Variants in RBM20 observed in about 807,000 individuals in gnomAD.
The protein encoded by RBM20 is RNA-binding protein 20.
In RBM20, 51 loss-of-function variants were observed where a neutral mutation model predicts 110.1. The ratio of observed to expected loss-of-function variants is 0.46; its 90% confidence interval spans 0.37 to 0.59. RBM20 has a LOEUF of 0.59. Among genes scored for constraint, RBM20 ranks in the 20% least tolerant of loss-of-function variants. The pLI, the probability that RBM20 is intolerant of heterozygous loss-of-function variation, is 0.00. For missense variants in RBM20, 1,512 were observed against 1,574.9 expected, an observed-to-expected ratio of 0.96 and a Z score of 0.68; for synonymous variants, 589 against 618.2, an observed-to-expected ratio of 0.95 and a Z score of 0.70.
chr10:110,735,534 A>G (rs1313498361), intron 1 of RBM20, among the ~76,000 whole-genome samples: 1 of 152,188 alleles, frequency 6.6e-6, no homozygotes, highest in Non-Finnish European at 1.5e-5. Context: ...CCTCCTGTTA[A>G]TCTAGATTGT....
intron 7 of RBM20, among the ~76,000 whole-genome samples, chr10:110,800,430 T>A (rs1322706312): frequency 1.3e-5 from 2 of 152,262 alleles, no homozygotes; most frequent in African/African-American, 4.8e-5. Flanking sequence ...AAACCAGGGT[T>A]TGCTTTTGTT....
At position 110,812,755 on chromosome 10, in the gene RBM20, C is replaced by A. The variant is rs1045844360; in HGVS notation, c.2358C>A (p.Asp786Glu). The stretch of plus-strand genomic sequence containing the variant: ...CCCCCGGGAGGTCCAGGAGGAAAGA[C>A]GAGGCCAGGCTGCGGGAAAGCAGAC... ...QDAPGRSRRK[D>E]EARLRESRHP... The change falls in exon 9 of 14, where the codon GAC becomes GAA. Residue 786 changes from aspartate to glutamate, a missense_variant. By Grantham distance (45) the Asp-to-Glu change is conservative. Around this residue, in one of 3 missense-constraint regions of RBM20, gnomAD observed 1,149 missense variants for 1,169.4 expected, o/e 0.98. Transcript: ENST00000369519. The A allele has an allele frequency of 1.3e-6, 2 of 1,551,710 alleles. No individual in the cohort carries two copies. The highest frequency in any genetic ancestry group is 4.9e-5 in the East Asian group (2 of 40,916).
intron 1 of RBM20, among the ~76,000 whole-genome samples, chr10:110,678,160 T>C (rs1862367465): frequency 6.6e-6 from 1 of 152,218 alleles, no homozygotes; most frequent in Non-Finnish European, 1.5e-5. Flanking sequence ...CTTATCTTTC[T>C]TATAGACAAT....
At chr10:110,804,972 C>T (rs945435105) in intron 7 of RBM20, among the ~76,000 whole-genome samples, 1 of 152,148 alleles carries the variant, frequency 6.6e-6, no homozygotes, top group Non-Finnish European at 1.5e-5. Flanking sequence ...ATTGGTCTTG[C>T]CAGCCTCCTC....
chr10:110,665,621 TC>T (rs1447350564), intron 1 of RBM20, among the ~76,000 whole-genome samples: 28 of 152,148 alleles, frequency 1.8e-4, no homozygotes, highest in Admixed American at 3.3e-4. Context: ...TCAAAACAAA[TC>T]TAACTGTAAC....
At chr10:110,664,790 A>T in intron 1 of RBM20, among the ~76,000 whole-genome samples, 1 of 152,142 alleles carries the variant, frequency 6.6e-6, no homozygotes, top group East Asian at 1.9e-4. Flanking sequence ...ATAAAAAAAT[A>T]AAAATTCAGT....
chr10:110,745,649 C>T (rs1398854376), intron 1 of RBM20, among the ~76,000 whole-genome samples: 2 of 152,290 alleles, frequency 1.3e-5, no homozygotes, highest in South Asian at 2.1e-4. Flanking sequence ...TAGCCATGAG[C>T]TTCTCAGGAG....
intron 1 of RBM20, among the ~76,000 whole-genome samples, chr10:110,714,757 G>T (rs1862991134): frequency 1.3e-5 from 2 of 152,136 alleles, no homozygotes; most frequent in South Asian, 4.2e-4. Context: ...GGGGCAACAT[G>T]GTCCATCTTC....
chr10:110,653,651 G>C (rs891893021), intron 1 of RBM20, among the ~76,000 whole-genome samples: 15 of 151,996 alleles, frequency 9.9e-5, no homozygotes, highest in African/African-American at 3.6e-4. Flanking sequence ...TGACCTCCCT[G>C]GCTCAAGCAA....
intron 1 of RBM20, among the ~76,000 whole-genome samples, chr10:110,667,316 G>A (rs1001558514): frequency 1.3e-5 from 2 of 152,240 alleles, no homozygotes; most frequent in Admixed American, 1.3e-4. Context: ...ATATTCTCCA[G>A]CACTTTCTTG....
chr10:110,818,096 A>G (rs1298440893), intron 9 of RBM20, among the ~76,000 whole-genome samples: 5 of 149,624 alleles, frequency 3.3e-5, no homozygotes, highest in African/African-American at 9.9e-5. Context: ...CCTGGCCAAC[A>G]TGGTGAAACC....
chr10:110,826,230 C>T (rs1045648896), intron 12 of RBM20, among the ~76,000 whole-genome samples: 15 of 152,190 alleles, frequency 9.9e-5, no homozygotes, highest in Non-Finnish European at 1.3e-4. Context: ...TAGTATCTCA[C>T]CTTTTTAAAA....
chr10:110,835,891 G>C lies in RBM20; in HGVS notation c.3597G>C (p.Glu1199Asp), dbSNP rs1177544843. 6.5e-7 allele frequency: 1 copy of C among 1,550,120 alleles called. No homozygotes were observed. Among genetic ancestry groups the C allele is most frequent in the East Asian group, 2.4e-5 (1 of 40,856 alleles). Residue 1199 changes from glutamate to aspartate, a missense_variant, in exon 14 of 14, where the codon GAG becomes GAC. Physicochemically the swap from Glu to Asp is conservative, Grantham distance 45. Around this residue, in one of 3 missense-constraint regions of RBM20, gnomAD observed 358 missense variants for 384.2 expected, o/e 0.93. Transcript: ENST00000369519. Reference protein sequence around the residue: ...NLQKYLSQLAEEGLKETEGAD... With the variant: ...NLQKYLSQLADEGLKETEGAD... ...AGAAATATTTGTCCCAGCTGGCCGA[G>C]GAGGGCCTCAAGGAGACCGAGGGGG...
intron 1 of RBM20, among the ~76,000 whole-genome samples, chr10:110,704,146 G>A (rs1193861458): frequency 6.6e-6 from 1 of 152,174 alleles, no homozygotes; most frequent in East Asian, 1.9e-4. Flanking sequence ...ATAATACAGT[G>A]TGTAACCTTT....
At chr10:110,741,260 G>A (rs1052650216) in intron 1 of RBM20, among the ~76,000 whole-genome samples, 1 of 152,094 alleles carries the variant, frequency 6.6e-6, no homozygotes, top group Non-Finnish European at 1.5e-5. Flanking sequence ...TATTTGTTAG[G>A]GTGGATACAG....
chr10:110,683,503 T>C (rs1398400957), intron 1 of RBM20, among the ~76,000 whole-genome samples: 1 of 152,240 alleles, frequency 6.6e-6, no homozygotes, highest in Admixed American at 6.5e-5. Flanking sequence ...TATCTCTCCC[T>C]ATCCTCTTAT....
chr10:110,798,802 G>A (rs755367031), intron 6 of RBM20, among the ~76,000 whole-genome samples: 18 of 152,118 alleles, frequency 1.2e-4, no homozygotes, highest in African/African-American at 3.6e-4. Context: ...CCCTGTCACC[G>A]ACCCCTTTTC....
chr10:110,703,241 G>C (rs1862785864), intron 1 of RBM20, among the ~76,000 whole-genome samples: 1 of 151,818 alleles, frequency 6.6e-6, no homozygotes, highest in Admixed American at 6.6e-5. Context: ...AGCCAGGCAT[G>C]GTGGCAGGCA....
intron 5 of RBM20, among the ~76,000 whole-genome samples, chr10:110,794,537 T>G (rs1268853314): frequency 6.6e-6 from 1 of 152,238 alleles, no homozygotes. Context: ...CTGGAGGAAC[T>G]TGGCCTTCAG....
Sources: allele counts gnomAD v4.1 joint callset (sites outside exome capture counted in the v4.1 genomes callset), GRCh38; gene constraint gnomAD v4.1.1; regional missense constraint gnomAD v4.1.1; transcripts MANE v1.5; gene names NCBI Gene and HGNC (gene_info 2026-07-23, HGNC 2026-07-21).